HMCN2: variants seen among roughly 807,000 people sequenced by gnomAD.
The protein encoded by HMCN2 is hemicentin-2.
In HMCN2, 325 loss-of-function variants were observed where a neutral mutation model predicts 377.5. That is an observed-to-expected ratio of 0.86 (90% CI 0.79 to 0.94). HMCN2 has a LOEUF of 0.94. Ranked by LOEUF, HMCN2 falls within the 40% of genes least tolerant of loss-of-function variation. The pLI is 0.00. For missense variants in HMCN2, 4,543 were observed against 4,725.3 expected, an observed-to-expected ratio of 0.96 and a Z score of 1.13; for synonymous variants, 2,007 against 2,046.8, an observed-to-expected ratio of 0.98 and a Z score of 0.53.
intron 14 of HMCN2, 106 bp from the exon 15 acceptor site, chr9:130,309,806 C>T (rs1200684532): frequency 3.7e-5 from 13 of 348,262 alleles, no homozygotes; most frequent in Non-Finnish European, 6.0e-5. Context: ...TCTCCCAGGC[C>T]CCAACCTTGT....
At chr9:130,398,256 T>A (rs907451483) in intron 74 of HMCN2, among the ~76,000 whole-genome samples, 1 of 151,328 alleles carries the variant, frequency 6.6e-6, no homozygotes, top group Middle Eastern at 3.4e-3. Context: ...ACAGATCAGC[T>A]TGTGAGAGGT....
rs1840333529 is a variant in HMCN2, at chr9:130,360,689, C to A, written c.5950+85C>A. ...TCTATTAGTCTGTCCATCCACCTGT[C>A]CACTCATCCATCCATCTACCACCCC... is the stretch of plus-strand genomic sequence containing the variant. On this transcript the variant is annotated intron_variant, in intron 38 of 97. Transcript: ENST00000683500. The surrounding 1 kb of genome is among the most constrained non-coding windows in gnomAD (Gnocchi z 4.7). 1.3e-6 allele frequency: 1 copy of A among 781,610 alleles called. No individual in the cohort carries two copies. Among genetic ancestry groups the A allele is most frequent in the Non-Finnish European group, 1.8e-6 (1 of 557,126 alleles). 48.4% of individuals were successfully genotyped at this position (781,610 alleles called of 1,614,324 possible). A position where few individuals can be genotyped will look rare whatever the true frequency, so the allele number is the denominator to read the frequency against.
At chr9:130,294,660 C>T (rs892363067) in intron 4 of HMCN2, among the ~76,000 whole-genome samples, 195 bp from the exon 5 acceptor site, 8 of 152,172 alleles carry the variant, frequency 5.3e-5, no homozygotes, top group Non-Finnish European at 1.2e-4. Flanking sequence ...CCTCCGAATG[C>T]CTCAATTCAG....
chr9:130,430,171 G>C, intron 94 of HMCN2, 113 bp from the exon 95 acceptor site: 1 of 883,328 alleles, frequency 1.1e-6, no homozygotes, highest in African/African-American at 1.7e-5. Flanking sequence ...CAGCATGGGA[G>C]TGGCTGGATT....
chr9:130,398,642 G>A lies in HMCN2; in HGVS notation c.11418G>A (p.Lys3806=). 1 of 1,289,532 alleles carries A rather than the reference G, an allele frequency of 7.8e-7. No individual in the cohort carries two copies. The highest frequency in any genetic ancestry group is 1.2e-5 in the South Asian group (1 of 81,004). 79.9% of individuals were successfully genotyped at this position (1,289,532 alleles called of 1,614,324 possible). A position where few individuals can be genotyped will look rare whatever the true frequency, so the allele number is the denominator to read the frequency against. Residue 3806 remains lysine, a synonymous_variant, in exon 75 of 98, where the codon AAG becomes AAA. Transcript: ENST00000683500. ...LLPCEASGSP[K]PLVVWWKDGQ... is the part of the protein sequence containing the mutation. ...CCTGCGAGGCCAGCGGCTCCCCTAA[G>A]CCCCTGGTGGTCTGGTGGAAGGACG...
Position 130,266,122 on chromosome 9 carries a change from C to G in HMCN2, c.244C>G (p.Pro82Ala). The G allele has an allele frequency of 2.1e-6, 1 of 467,566 alleles. No individual in the cohort carries two copies. Among genetic ancestry groups the G allele is most frequent in the South Asian group, 1.5e-5 (1 of 64,544 alleles). 29.0% of individuals were successfully genotyped at this position (467,566 alleles called of 1,614,324 possible). ...GGCCATCGCCAACTACGCGCTGGTG[C>G]CCTTCCACGACCCAGGTAGCGCCCC... ...SQAIANYALV[P>A]FHDPDIGPVT... The change falls in exon 1 of 98, where the codon CCC becomes GCC. Residue 82 changes from proline (P) to alanine (A), a missense_variant. Physicochemically the swap from Pro to Ala is conservative, Grantham distance 27 (BLOSUM62 -1). This residue lies in a region of HMCN2 where 547 missense variants were observed against 189.9 expected (regional missense o/e 2.88). Coordinates refer to ENST00000683500, the MANE Select transcript of HMCN2 (RefSeq NM_001291815.2).
In HMCN2 at chr9:130,354,884, C is replaced by T. The variant is rs758500963; in HGVS notation, c.4986C>T (p.His1662=). The T allele has an allele frequency of 3.8e-6, 5 of 1,304,184 alleles. No individual in the cohort carries two copies. The highest frequency in any genetic ancestry group is 1.5e-5 in the African/African-American group (1 of 65,886). 80.8% of individuals were successfully genotyped at this position (1,304,184 alleles called of 1,614,324 possible). A position where few individuals can be genotyped will look rare whatever the true frequency, so the allele number is the denominator to read the frequency against. Residue 1662 remains histidine, a synonymous_variant, in exon 32 of 98, where the codon CAC becomes CAT. Coordinates refer to ENST00000683500, the MANE Select transcript of HMCN2 (RefSeq NM_001291815.2). Reference sequence around the variant, plus strand: ...CGTCCCCCACCCTCTCCTGGCACCACGAGGGGCTGCCCGTGGCAGAGAGCA... The same window carrying T: ...CGTCCCCCACCCTCTCCTGGCACCATGAGGGGCTGCCCGTGGCAGAGAGCA... The part of the protein sequence containing the change: ...GHPSPTLSWH[H]EGLPVAESNE...
At chr9:130,387,003 T>C (rs1377575027) in intron 61 of HMCN2, among the ~76,000 whole-genome samples, 1 of 152,074 alleles carries the variant, frequency 6.6e-6, no homozygotes, top group East Asian at 1.9e-4. Context: ...GCCATGACAG[T>C]GTCTATAAAG....
At position 130,303,582 on chromosome 9, in the gene HMCN2, G is replaced by C. The variant is rs868982852; in HGVS notation, c.1517G>C (p.Arg506Pro). Residue 506 changes from arginine (R) to proline (P), a missense_variant, in exon 10 of 98, where the codon CGA (arginine) becomes CCA (proline). Around this residue, in one of 5 missense-constraint regions of HMCN2, gnomAD observed 547 missense variants for 189.9 expected, o/e 2.88. Coordinates refer to ENST00000683500, the MANE Select transcript of HMCN2 (RefSeq NM_001291815.2). The surrounding 1 kb of genome is among the most constrained non-coding windows in gnomAD (Gnocchi z 5.2). ...GCCGTCAGCAGGGCTGGGACCGGGC[G>C]AGCAAAGGCCCAGATTGTTGTCACA... ...CTAVSRAGTG[R>P]AKAQIVVTDP... is the part of the protein sequence containing the mutation. 2.8e-6 allele frequency: 1 copy of C among 359,150 alleles called. No individual in the cohort carries two copies. Among genetic ancestry groups the C allele is most frequent in the African/African-American group, 2.2e-5 (1 of 45,840 alleles). 22.2% of individuals were successfully genotyped at this position (359,150 alleles called of 1,614,324 possible). A position where few individuals can be genotyped will look rare whatever the true frequency, so the allele number is the denominator to read the frequency against.
rs962127991 is a variant in HMCN2, at chr9:130,400,862, G to A, written c.11685G>A (p.Thr3895=). 62 of 1,289,490 alleles carry A rather than the reference G, an allele frequency of 4.8e-5. No homozygotes were observed. The highest frequency in any genetic ancestry group is 2.9e-4 in the African/African-American group (19 of 65,864). 79.9% of individuals were successfully genotyped at this position (1,289,490 alleles called of 1,614,324 possible). A position where few individuals can be genotyped will look rare whatever the true frequency, so the allele number is the denominator to read the frequency against. The change falls in exon 77 of 98, where the codon ACG becomes ACA. Residue 3895 remains threonine (T), a synonymous_variant. Coordinates refer to ENST00000683500, the MANE Select transcript of HMCN2 (RefSeq NM_001291815.2). Reference sequence around the variant, plus strand: ...CTGTGGTCCTCACATGTCACAGCACGGGTATACCAGCTCCGACCGTGTCCT... The same window carrying A: ...CTGTGGTCCTCACATGTCACAGCACAGGTATACCAGCTCCGACCGTGTCCT... The part of the protein sequence containing the change: ...MAPVVLTCHS[T]GIPAPTVSWS...
intron 76 of HMCN2, 131 bp from the exon 77 acceptor site, chr9:130,400,652 C>T: frequency 4.1e-6 from 2 of 484,218 alleles, no homozygotes; most frequent in Non-Finnish European, 6.1e-6. Context: ...TGACTTCTCC[C>T]TCTGTTGCCA....
chr9:130,329,710 T>C (rs947500265), intron 22 of HMCN2, among the ~76,000 whole-genome samples: 1,564 of 152,310 alleles, frequency 0.01, 14 homozygotes, highest in South Asian at 0.04. Flanking sequence ...CCCAAAGTGC[T>C]GGGATTACAG....
chr9:130,383,662 T>A, intron 57 of HMCN2, 62 bp downstream of exon 57: 1 of 774,102 alleles, frequency 1.3e-6, no homozygotes, highest in Non-Finnish European at 1.6e-6. Context: ...GGGCACTGCC[T>A]TGGGGCTTCC....
intron 82 of HMCN2, 50 bp from the exon 83 acceptor site, chr9:130,407,521 G>T: frequency 7.8e-7 from 1 of 1,274,104 alleles, no homozygotes; most frequent in East Asian, 5.7e-5. Flanking sequence ...CACCAGGGAA[G>T]TGTTTAGGGC....
chr9:130,353,236 T>C (rs1366125886), intron 31 of HMCN2, 31 bp downstream of exon 31: 1 of 1,296,294 alleles, frequency 7.7e-7, no homozygotes, highest in African/African-American at 1.5e-5. Flanking sequence ...GCAGCCGGGG[T>C]GGGCAGTGGG....
At chr9:130,405,833 C>A in intron 81 of HMCN2, 122 bp from the exon 82 acceptor site, 1 of 673,796 alleles carries the variant, frequency 1.5e-6, no homozygotes, top group Non-Finnish European at 2.2e-6. Context: ...GCTGTGTGAC[C>A]TTGGGCAAGT....
chr9:130,427,139 A>C (rs918700184), intron 90 of HMCN2, among the ~76,000 whole-genome samples, 174 bp from the exon 91 acceptor site: 2 of 152,194 alleles, frequency 1.3e-5, no homozygotes, highest in Admixed American at 1.3e-4. Context: ...CGTGCCCTGC[A>C]GTCATCGCCT....
At chr9:130,433,265 C>T (rs1844870323) in intron 97 of HMCN2, 83 bp from the exon 98 acceptor site, 1 of 1,109,518 alleles carries the variant, frequency 9.0e-7, no homozygotes, top group East Asian at 3.2e-5. Context: ...CAGGGGCTGG[C>T]AGGGAGGTCT....
rs376812020 is a variant in HMCN2 at position 130,393,201 on chromosome 9, G to A, written c.10137-11G>A. ...CTTGTCTCCTTCTCCCTCTCCTCTC[G>A]GGGGATTCAGGATTTCCAAGGTGCA... is the stretch of plus-strand genomic sequence containing the variant. On this transcript the variant is annotated splice_polypyrimidine_tract_variant and intron_variant, in intron 66 of 97. Transcript: ENST00000683500. The surrounding 1 kb of genome is among the most constrained non-coding windows in gnomAD (Gnocchi z 5.2). 56 of 987,720 alleles carry A rather than the reference G, an allele frequency of 5.7e-5. No individual in the cohort carries two copies. The South Asian group carries it at 1.4e-3, about 25-fold the overall frequency. The allele number at this position is 987,720 out of a possible 1,614,324, so 61.2% of individuals were successfully genotyped here.
Sources: allele counts gnomAD v4.1 joint callset (sites outside exome capture counted in the v4.1 genomes callset), GRCh38; gene constraint gnomAD v4.1.1; regional missense constraint gnomAD v4.1.1; non-coding constraint Gnocchi (gnomAD v3.1); transcripts MANE v1.5; gene names NCBI Gene and HGNC (gene_info 2026-07-23, HGNC 2026-07-21).